CDH18: variants seen among roughly 807,000 people sequenced by gnomAD.
CDH18 encodes cadherin 18.
A neutral mutation model predicts 67.9 loss-of-function variants in CDH18; 31 were observed. The observed-to-expected ratio is 0.46, with a 90% CI of 0.34 to 0.62. CDH18 has a LOEUF of 0.62. Among genes scored for constraint, CDH18 ranks in the 20% least tolerant of loss-of-function variants. The pLI is 0.01. For missense variants in CDH18, 890 were observed against 975.5 expected, an observed-to-expected ratio of 0.91 and a Z score of 1.17; for synonymous variants, 362 against 347.2, an observed-to-expected ratio of 1.04 and a Z score of -0.48.
chr5:19,814,891 T>C (rs538498595), intron 3 of CDH18, among the ~76,000 whole-genome samples: 2 of 151,094 alleles, frequency 1.3e-5, no homozygotes, highest in African/African-American at 4.8e-5. Context: ...CACACACACA[T>C]AGATTAGTAT....
In CDH18 at chr5:19,473,633, C is replaced by A. The variant is rs1737933376; in HGVS notation, c.1966G>T (p.Val656Phe). 1.2e-6 allele frequency: 2 copies of A among 1,613,688 alleles called. No homozygotes were observed. Among genetic ancestry groups the A allele is most frequent in the Non-Finnish European group, 1.7e-6 (2 of 1,179,812 alleles). The stretch of plus-strand genomic sequence containing the variant: ...CCGCCTCCTTCATCATCATAGGTGA[C>A]CACGTTCTCCCGTACATCCTCTTCT... ...ISEEDVRENV[V>F]TYDDEGGGEE... The change falls in exon 13 of 13, where the codon GTC becomes TTC. Residue 656 changes from valine (V) to phenylalanine (F), a missense_variant. Around this residue, in one of 2 missense-constraint regions of CDH18, gnomAD observed 656 missense variants for 668.1 expected, o/e 0.98. Coordinates refer to ENST00000382275, the MANE Select transcript of CDH18 (RefSeq NM_004934.5).
At chr5:19,675,282 T>TA (rs57148674) in intron 5 of CDH18, among the ~76,000 whole-genome samples, 100,657 of 151,750 alleles carry the variant, frequency 0.66, 33,593 homozygotes, top group South Asian at 0.75. Context: ...TCATTGATAA[T>TA]TTTTATCAGG....
At chr5:20,402,622 A>C (rs557818386) in intron 1 of CDH18, among the ~76,000 whole-genome samples, 1 of 151,326 alleles carries the variant, frequency 6.6e-6, no homozygotes, top group East Asian at 1.9e-4. Flanking sequence ...TATTGTCTAA[A>C]AACGTGGATA....
chr5:20,448,795 A>G (rs1022624048), intron 1 of CDH18, among the ~76,000 whole-genome samples: 1 of 152,176 alleles, frequency 6.6e-6, no homozygotes, highest in Admixed American at 6.6e-5. Flanking sequence ...TAAACTTATG[A>G]AAAGTTTTTG....
chr5:19,878,317 C>T (rs1252801357), intron 2 of CDH18, among the ~76,000 whole-genome samples: 1 of 152,070 alleles, frequency 6.6e-6, no homozygotes, highest in African/African-American at 2.4e-5. Flanking sequence ...CTTCAACCAT[C>T]ATTCTAAAAT....
At chr5:19,951,707 G>GCTT (rs1795809871) in intron 2 of CDH18, among the ~76,000 whole-genome samples, 1 of 152,114 alleles carries the variant, frequency 6.6e-6, no homozygotes. Flanking sequence ...TTACCTAAGA[G>GCTT]TACACATTTG....
chr5:19,473,092 A>G lies in CDH18; in HGVS notation c.*134T>C, dbSNP rs934131441. 8 of 979,482 alleles carry G rather than the reference A, an allele frequency of 8.2e-6. No individual in the cohort carries two copies. The highest frequency in any genetic ancestry group is 1.6e-5 in the African/African-American group (1 of 60,640). 60.7% of individuals were successfully genotyped at this position (979,482 alleles called of 1,614,324 possible). On this transcript the variant is annotated 3_prime_UTR_variant, in exon 13 of 13. Transcript: ENST00000382275. ...ACCCAGTTTCGATCATGAAAAGGGC[A>G]CTTGTTTCTACAGGAGCTGTGTCCA...
At chr5:19,956,201 G>T (rs1443159152) in intron 2 of CDH18, among the ~76,000 whole-genome samples, 1 of 151,962 alleles carries the variant, frequency 6.6e-6, no homozygotes, top group Non-Finnish European at 1.5e-5. Flanking sequence ...TGTTTCTGCA[G>T]TTGAAAGCCA....
At chr5:20,107,715 C>T (rs1444903275) in intron 2 of CDH18, among the ~76,000 whole-genome samples, 1 of 151,916 alleles carries the variant, frequency 6.6e-6, no homozygotes, top group Non-Finnish European at 1.5e-5. Flanking sequence ...CTCACACAGT[C>T]TTTTTTCTGT....
intron 2 of CDH18, among the ~76,000 whole-genome samples, chr5:19,869,156 C>T (rs538338405): frequency 1.8e-4 from 27 of 152,282 alleles, no homozygotes; most frequent in African/African-American, 6.3e-4. Context: ...TGAAGATATG[C>T]AGGACGTCAA....
At chr5:19,992,362 C>T (rs1800034276), upstream of CDH18, among the ~76,000 whole-genome samples, 1 of 150,742 alleles carries the variant, frequency 6.6e-6, no homozygotes, top group Non-Finnish European at 1.5e-5. Flanking sequence ...AATGAGGACA[C>T]TGAGTTCCAA....
intron 10 of CDH18, among the ~76,000 whole-genome samples, chr5:19,503,388 G>T (rs1743586172): frequency 6.6e-6 from 1 of 151,976 alleles, no homozygotes; most frequent in Admixed American, 6.6e-5. Context: ...CCATGGTACT[G>T]TGGGGTCAAT....
At chr5:19,565,057 G>A (rs943513068) in intron 8 of CDH18, among the ~76,000 whole-genome samples, 3 of 151,544 alleles carry the variant, frequency 2.0e-5, no homozygotes, top group African/African-American at 7.3e-5. Context: ...TAAGGTTCTC[G>A]AATCCAGGCT....
chr5:19,680,836 T>C (rs1031355024), intron 5 of CDH18, among the ~76,000 whole-genome samples: 2 of 152,000 alleles, frequency 1.3e-5, no homozygotes, highest in Non-Finnish European at 2.9e-5. Context: ...AGTTTGGCCA[T>C]TGCGGAAAGC....
At chr5:20,381,719 T>C (rs2150101177) in intron 1 of CDH18, among the ~76,000 whole-genome samples, 1 of 152,128 alleles carries the variant, frequency 6.6e-6, no homozygotes, top group Admixed American at 6.5e-5. Flanking sequence ...TCTACAAGGG[T>C]GGCCCTGAGA....
At chr5:19,935,389 G>C (rs1386648499) in intron 2 of CDH18, among the ~76,000 whole-genome samples, 1 of 151,298 alleles carries the variant, frequency 6.6e-6, no homozygotes, top group African/African-American at 2.4e-5. Context: ...TTATATGACA[G>C]TGGTCCTATA....
At chr5:20,140,087 G>T (rs1286007436) in intron 2 of CDH18, among the ~76,000 whole-genome samples, 2 of 152,286 alleles carry the variant, frequency 1.3e-5, no homozygotes, top group East Asian at 3.9e-4. Flanking sequence ...ATTAATGATA[G>T]ACTGGATTAA....
intron 2 of CDH18, among the ~76,000 whole-genome samples, chr5:19,881,925 C>G (rs1387506596): frequency 6.6e-6 from 1 of 152,002 alleles, no homozygotes; most frequent in Non-Finnish European, 1.5e-5. Flanking sequence ...TCCTGTAGTT[C>G]AACAGGGGAA....
chr5:20,371,182 G>A (rs1322799630), intron 1 of CDH18, among the ~76,000 whole-genome samples: 1 of 152,092 alleles, frequency 6.6e-6, no homozygotes, highest in Non-Finnish European at 1.5e-5. Context: ...GTGGTATAGG[G>A]AGGGGGAGGG....
Sources: allele counts gnomAD v4.1 joint callset (sites outside exome capture counted in the v4.1 genomes callset), GRCh38; gene constraint gnomAD v4.1.1; regional missense constraint gnomAD v4.1.1; transcripts MANE v1.5; gene names NCBI Gene and HGNC (gene_info 2026-07-23, HGNC 2026-07-21).